AUTS2: variants seen among roughly 807,000 people sequenced by gnomAD.
AUTS2 encodes autism susceptibility gene 2 protein.
AUTS2 carries 17 observed loss-of-function variants against 112.4 expected under a neutral mutation model. The ratio of observed to expected loss-of-function variants is 0.15; its 90% CI spans 0.10 to 0.23. The LOEUF (loss-of-function observed/expected upper bound fraction) is 0.23, where lower values mean the gene tolerates loss of function less well. AUTS2 is among the 10% of genes least tolerant of loss of function. AUTS2 has a pLI of 1.00. For missense variants in AUTS2, 1,510 were observed against 1,701.6 expected (o/e 0.89, Z 1.98); for synonymous variants, 751 against 702.7 (o/e 1.07, Z -1.09).
At chr7:70,116,739 G>A (rs1805375577) in intron 2 of AUTS2, among the ~76,000 whole-genome samples, 1 of 152,132 alleles carries the variant, frequency 6.6e-6, no homozygotes, top group South Asian at 2.1e-4. Flanking sequence ...AGCCATATGA[G>A]TTTAATCTAC....
At chr7:69,960,711 G>A (rs950991952) in intron 2 of AUTS2, among the ~76,000 whole-genome samples, 2 of 152,094 alleles carry the variant, frequency 1.3e-5, no homozygotes, top group Non-Finnish European at 2.9e-5. Context: ...CACCATTTCC[G>A]TTATCTTATC....
At chr7:70,730,581 C>G (rs769710345) in intron 6 of AUTS2, among the ~76,000 whole-genome samples, 1 of 152,200 alleles carries the variant, frequency 6.6e-6, no homozygotes, top group Admixed American at 6.5e-5. Flanking sequence ...TGGAATATAT[C>G]AGCATTTCAT....
intron 4 of AUTS2, among the ~76,000 whole-genome samples, chr7:70,304,223 A>T (rs1196558030): frequency 6.6e-6 from 1 of 152,136 alleles, no homozygotes; most frequent in Non-Finnish European, 1.5e-5. Context: ...AAACTCTGAA[A>T]CTTTATAGCA....
intron 2 of AUTS2, among the ~76,000 whole-genome samples, chr7:70,079,029 G>C (rs1396879931): frequency 1.3e-5 from 2 of 152,166 alleles, no homozygotes; most frequent in African/African-American, 4.8e-5. Context: ...AATGGTGCCA[G>C]GGTTAGCTTT....
chr7:70,757,634 C>A (rs1789293618), intron 6 of AUTS2, among the ~76,000 whole-genome samples: 1 of 151,614 alleles, frequency 6.6e-6, no homozygotes, highest in African/African-American at 2.4e-5. Context: ...TTCATAAAAT[C>A]CATTTTATTT....
At chr7:70,749,210 T>A (rs1232066390) in intron 6 of AUTS2, among the ~76,000 whole-genome samples, 2 of 152,138 alleles carry the variant, frequency 1.3e-5, no homozygotes, top group Non-Finnish European at 2.9e-5. Flanking sequence ...AGGTTGGGTC[T>A]TGGGAAGCAG....
chr7:70,107,989 C>T lies in AUTS2; in HGVS notation c.523-10143C>T, dbSNP rs1387454778. Among the ~76,000 whole-genome samples the T allele has an allele frequency of 7.4e-5, 11 of 149,474 alleles. No homozygotes were observed. In the East Asian group the frequency reaches 2.0e-3, roughly 27 times the overall value. ...TTATGCCACTGCACTCCAGCCTGGGCGACAGAGCGAGACTCTGTCTCAAAA... is the reference window on the plus strand; with the variant it reads ...TTATGCCACTGCACTCCAGCCTGGGTGACAGAGCGAGACTCTGTCTCAAAA... On this transcript the variant is annotated intron_variant, in intron 2 of 18. Coordinates refer to ENST00000342771, the MANE Select transcript of AUTS2 (RefSeq NM_015570.4).
chr7:70,496,283 C>T (rs1798496560), intron 5 of AUTS2, among the ~76,000 whole-genome samples: 1 of 135,144 alleles, frequency 7.4e-6, no homozygotes, highest in African/African-American at 2.9e-5. Flanking sequence ...ACATCAGCGT[C>T]GATCACACAC....
intron 3 of AUTS2, among the ~76,000 whole-genome samples, chr7:70,123,713 G>A (rs1447855762): frequency 6.6e-6 from 1 of 152,110 alleles, no homozygotes. Context: ...GTATTTCGTG[G>A]TTTACATATA....
At chr7:70,434,439 A>G (rs913740325) in intron 4 of AUTS2, among the ~76,000 whole-genome samples, 1 of 152,194 alleles carries the variant, frequency 6.6e-6, no homozygotes, top group African/African-American at 2.4e-5. Context: ...ACCAACTCCC[A>G]TGTCCAGGTG....
intron 4 of AUTS2, among the ~76,000 whole-genome samples, chr7:70,161,448 G>T (rs1277477572): frequency 6.6e-6 from 1 of 151,388 alleles, no homozygotes; most frequent in African/African-American, 2.4e-5. Context: ...TTTTGTTTTT[G>T]TTTTTTAAGT....
intron 4 of AUTS2, among the ~76,000 whole-genome samples, chr7:70,434,769 C>T (rs1795821020): frequency 6.6e-6 from 1 of 152,170 alleles, no homozygotes; most frequent in African/African-American, 2.4e-5. Context: ...CGGAAGGCTC[C>T]TTTAGAGCCA....
chr7:70,415,188 G>A (rs534932360), intron 4 of AUTS2, among the ~76,000 whole-genome samples: 4 of 152,248 alleles, frequency 2.6e-5, no homozygotes, highest in African/African-American at 4.8e-5. Context: ...CCCATTCCCC[G>A]ATGATAATGC....
intron 1 of AUTS2, among the ~76,000 whole-genome samples, chr7:69,708,289 G>C (rs765487670): frequency 9.5e-5 from 13 of 136,768 alleles, no homozygotes; most frequent in Non-Finnish European, 2.1e-4. Flanking sequence ...ATGGATGATC[G>C]AAAGAAAAAC....
chr7:70,236,457 C>T (rs770996750), intron 4 of AUTS2, among the ~76,000 whole-genome samples: 3 of 152,068 alleles, frequency 2.0e-5, no homozygotes, highest in Non-Finnish European at 4.4e-5. Context: ...AATTTTCAAC[C>T]TTTTTGATAA....
At chr7:70,251,428 G>A (rs945774571) in intron 4 of AUTS2, among the ~76,000 whole-genome samples, 4 of 152,048 alleles carry the variant, frequency 2.6e-5, no homozygotes, top group South Asian at 2.1e-4. Context: ...TTCTCTAAAT[G>A]TACTCTTCCC....
At chr7:70,461,973 C>G (rs1035055339) in intron 5 of AUTS2, among the ~76,000 whole-genome samples, 1 of 152,156 alleles carries the variant, frequency 6.6e-6, no homozygotes, top group Non-Finnish European at 1.5e-5. Context: ...GGAAAGGGGC[C>G]GTGTGCGCTG....
chr7:69,971,186 AT>A (rs1797835187), intron 2 of AUTS2, among the ~76,000 whole-genome samples: 2 of 151,776 alleles, frequency 1.3e-5, no homozygotes, highest in South Asian at 2.1e-4. Flanking sequence ...TCAAAAAACC[AT>A]TTTTCCCCCC....
intron 1 of AUTS2, among the ~76,000 whole-genome samples, chr7:69,781,455 G>A (rs569744237): frequency 4.1e-4 from 62 of 152,300 alleles, no homozygotes; most frequent in Admixed American, 2.6e-4. Flanking sequence ...GATAACACTC[G>A]GAGGCAGTGG....
Sources: gnomAD v4.1 joint callset for allele counts (sites outside exome capture counted in the v4.1 genomes callset) on GRCh38, gnomAD v4.1.1 for gene constraint, MANE v1.5 for transcripts, NCBI Gene and HGNC (gene_info 2026-07-23, HGNC 2026-07-21) for gene names.